EBF1: variants seen among roughly 807,000 people sequenced by gnomAD.
EBF1 encodes the protein transcription factor COE1.
EBF1 carries 10 observed loss-of-function variants against 68.4 expected under a neutral mutation model. That is an observed-to-expected ratio of 0.15 (90% confidence interval 0.09 to 0.25). The LOEUF is 0.25. Among genes scored for constraint, EBF1 ranks in the 10% least tolerant of loss-of-function variants. The pLI, the probability that EBF1 is intolerant of heterozygous loss-of-function variation, is 1.00. For missense variants in EBF1, 509 were observed against 794.4 expected (o/e 0.64, Z 4.32); for synonymous variants, 298 against 299.8 (o/e 0.99, Z 0.06).
chr5:159,068,752 G>A (rs1041975003), intron 6 of EBF1, among the ~76,000 whole-genome samples: 6 of 151,974 alleles, frequency 3.9e-5, no homozygotes, highest in South Asian at 2.1e-4. Context: ...AACCCAATTC[G>A]TGTTACCTAA....
At chr5:159,085,671 G>A (rs1780500726) in intron 4 of EBF1, among the ~76,000 whole-genome samples, 1 of 152,124 alleles carries the variant, frequency 6.6e-6, no homozygotes, top group African/African-American at 2.4e-5. Flanking sequence ...GCTTCAAATT[G>A]TTAACAAAAT....
chr5:158,961,824 T>C (rs530840486), intron 6 of EBF1, among the ~76,000 whole-genome samples: 1 of 152,350 alleles, frequency 6.6e-6, no homozygotes, highest in Admixed American at 6.5e-5. Context: ...TCAATAATTA[T>C]TTCTTTATCT....
chr5:158,849,917 A>G (rs972608128), intron 6 of EBF1, among the ~76,000 whole-genome samples: 4 of 152,208 alleles, frequency 2.6e-5, no homozygotes, highest in Non-Finnish European at 5.9e-5. Flanking sequence ...CAAAGTTTCT[A>G]TGCTCTAAGA....
chr5:158,746,592 T>C (rs547656400), intron 10 of EBF1, among the ~76,000 whole-genome samples: 1 of 152,266 alleles, frequency 6.6e-6, no homozygotes, highest in East Asian at 1.9e-4. Context: ...CCAAACTGAA[T>C]CTTGCATTTC....
chr5:158,779,263 TTAAAA>T (rs1340830261), intron 9 of EBF1, among the ~76,000 whole-genome samples: 1 of 152,098 alleles, frequency 6.6e-6, no homozygotes, highest in African/African-American at 2.4e-5. Context: ...AAACAGAATC[TTAAAA>T]TTAAGTTGTT....
At chr5:158,893,595 A>T (rs1460010305) in intron 6 of EBF1, among the ~76,000 whole-genome samples, 3 of 152,198 alleles carry the variant, frequency 2.0e-5, no homozygotes, top group Non-Finnish European at 4.4e-5. Flanking sequence ...TTATTACATG[A>T]AGAATCTGCT....
chr5:158,790,488 G>A (rs956705527), intron 9 of EBF1, among the ~76,000 whole-genome samples: 7 of 148,750 alleles, frequency 4.7e-5, no homozygotes, highest in African/African-American at 1.5e-4. Context: ...CTCCCTGTAA[G>A]GTGATCCTTG....
chr5:158,949,190 A>T (rs1200960044), intron 6 of EBF1, among the ~76,000 whole-genome samples: 2 of 152,160 alleles, frequency 1.3e-5, no homozygotes, highest in Non-Finnish European at 2.9e-5. Flanking sequence ...TATTCTTTAC[A>T]TTGATGAATA....
intron 6 of EBF1, chr5:158,987,204 T>G (rs1007568864): frequency 2.0e-5 from 3 of 152,246 alleles, no homozygotes; most frequent in Admixed American, 6.5e-5. Context: ...CAAACTATTT[T>G]ACTTTTCTGA....
chr5:159,073,519 T>C, intron 5 of EBF1, 55 bp from the exon 6 acceptor site: 1 of 1,599,328 alleles, frequency 6.3e-7, no homozygotes. Context: ...AAAATCATCA[T>C]TTAGGCAGAC....
At chr5:158,924,852 CAAAAAAAAAAA>C (rs34744460) in intron 6 of EBF1, among the ~76,000 whole-genome samples, 3 of 50,892 alleles carry the variant, frequency 5.9e-5, no homozygotes, top group African/African-American at 7.7e-5. Context: ...GACTCTGTCT[CAAAAAAAAAAA>C]AAAAAAAAAA....
intron 4 of EBF1, among the ~76,000 whole-genome samples, chr5:159,093,288 T>C (rs927154725): frequency 2.6e-5 from 4 of 152,194 alleles, no homozygotes; most frequent in Non-Finnish European, 5.9e-5. Flanking sequence ...TAAACAATTA[T>C]TATGAAAGCA....
chr5:159,034,936 C>T (rs1330664152), intron 6 of EBF1, among the ~76,000 whole-genome samples: 1 of 152,128 alleles, frequency 6.6e-6, no homozygotes, highest in Non-Finnish European at 1.5e-5. Context: ...GAAACAAAGA[C>T]CAGTCAATAA....
At chr5:158,861,893 C>G (rs952156071) in intron 6 of EBF1, among the ~76,000 whole-genome samples, 1 of 151,868 alleles carries the variant, frequency 6.6e-6, no homozygotes, top group African/African-American at 2.4e-5. Flanking sequence ...ATAAAAGCCA[C>G]CTGTATCCCA....
At chr5:158,822,189 A>G (rs1222004105) in intron 8 of EBF1, among the ~76,000 whole-genome samples, 1 of 152,070 alleles carries the variant, frequency 6.6e-6, no homozygotes, top group African/African-American at 2.4e-5. Context: ...TGAGAGTTTG[A>G]GGCAATTGAA....
At chr5:158,719,364 C>T (rs577288535) in intron 11 of EBF1, among the ~76,000 whole-genome samples, 2 of 152,278 alleles carry the variant, frequency 1.3e-5, no homozygotes, top group African/African-American at 2.4e-5. Flanking sequence ...ATTAGCTGTA[C>T]TCTTAGGCCC....
At chr5:158,829,341 T>A (rs79014168) in intron 7 of EBF1, among the ~76,000 whole-genome samples, 1 of 134,708 alleles carries the variant, frequency 7.4e-6, no homozygotes, top group African/African-American at 2.8e-5. Flanking sequence ...ACACTCAGCC[T>A]TTTTTTTTTT....
chr5:159,046,691 G>A lies in EBF1; in HGVS notation c.554+26705C>T, dbSNP rs562662363. 1.2e-4 allele frequency among the ~76,000 whole-genome samples: 19 copies of A among 152,266 alleles called. No homozygotes were observed. In the East Asian group the frequency reaches 3.7e-3, roughly 29 times the overall value. The stretch of plus-strand genomic sequence containing the variant: ...AATAAGATGTGATCTCTGCCCTCCA[G>A]AAAACTGGTGACAAAGACATAGTAT... On this transcript the variant is annotated intron_variant, in intron 6 of 15. Coordinates refer to ENST00000313708, the MANE Select transcript of EBF1 (RefSeq NM_024007.5).
At chr5:158,774,135 ACT>A (rs1450347008) in intron 10 of EBF1, among the ~76,000 whole-genome samples, 1 of 152,042 alleles carries the variant, frequency 6.6e-6, no homozygotes, top group Non-Finnish European at 1.5e-5. Flanking sequence ...AGAGTCTGTG[ACT>A]CTGATTGGAC....
Sources: gnomAD v4.1 joint callset for allele counts (sites outside exome capture counted in the v4.1 genomes callset) on GRCh38, gnomAD v4.1.1 for gene constraint, MANE v1.5 for transcripts, NCBI Gene and HGNC (gene_info 2026-07-23, HGNC 2026-07-21) for gene names.